The following CUBN variants were observed in gnomAD, a reference collection of about 807,000 sequenced individuals.
The protein encoded by CUBN is 460 kDa receptor.
A neutral mutation model predicts 405.3 loss-of-function variants in CUBN; 282 were observed. The ratio of observed to expected loss-of-function variants is 0.70; its 90% confidence interval spans 0.63 to 0.77. The LOEUF is 0.77. Among genes scored for constraint, CUBN ranks in the 30% least tolerant of loss-of-function variants. The pLI is 0.00. For synonymous variants in CUBN, 1,684 were observed against 1,617.0 expected, an observed-to-expected ratio of 1.04 and a Z score of -0.99; for missense variants, 4,514 against 4,475.2, an observed-to-expected ratio of 1.01 and a Z score of -0.25.
At chr10:16,843,678 G>A (rs1839426679) in intron 60 of CUBN, among the ~76,000 whole-genome samples, 1 of 152,162 alleles carries the variant, frequency 6.6e-6, no homozygotes, top group Non-Finnish European at 1.5e-5. Context: ...TCTGGGACCT[G>A]TATGCCAGGC....
chr10:17,020,164 G>T (rs910303901), intron 27 of CUBN, among the ~76,000 whole-genome samples, 181 bp from the exon 28 acceptor site: 1 of 151,980 alleles, frequency 6.6e-6, no homozygotes, highest in African/African-American at 2.4e-5. Flanking sequence ...CATAGAGAGG[G>T]TATTAGAGAT....
rs759258410 is a variant in CUBN, at chr10:16,840,328, A to G, written c.10032+2T>C. The stretch of plus-strand genomic sequence containing the variant: ...GACTGCCATTCATCTTATAATTGTT[A>G]CCTGCGGTGAGTCCTGAAGCTGTAA... On this transcript the variant is annotated splice_donor_variant, in intron 62 of 66. Transcript: ENST00000377833. LOFTEE classifies it high-confidence loss of function. 2 of 1,613,340 alleles carry G rather than the reference A, an allele frequency of 1.2e-6. No individual in the cohort carries two copies. The highest frequency in any genetic ancestry group is 2.2e-5 in the South Asian group (2 of 91,052).
intron 1 of CUBN, 87 bp downstream of exon 1, chr10:17,129,557 T>A: frequency 1.3e-6 from 2 of 1,568,124 alleles, no homozygotes; most frequent in Non-Finnish European, 1.8e-6. Flanking sequence ...TCAAGAAAAA[T>A]TGCACCTTTG....
intron 31 of CUBN, among the ~76,000 whole-genome samples, chr10:16,975,089 T>C (rs10904858): frequency 0.55 from 84,293 of 152,038 alleles, 23,746 homozygotes; most frequent in African/African-American, 0.59. Context: ...AGGGGGCCAA[T>C]GACCCTAATC....
intron 62 of CUBN, 92 bp from the exon 63 acceptor site, chr10:16,836,474 TA>T: frequency 2.4e-6 from 3 of 1,235,854 alleles, no homozygotes; most frequent in Non-Finnish European, 3.6e-6. Context: ...AAGCATGGTG[TA>T]AATATTTAGC....
At chr10:16,954,313 G>A (rs1842992473) in intron 32 of CUBN, 76 bp downstream of exon 32, 1 of 1,509,764 alleles carries the variant, frequency 6.6e-7, no homozygotes, top group Non-Finnish European at 9.2e-7. Flanking sequence ...TCTGAGCACA[G>A]GTCTCATTTC....
intron 36 of CUBN, among the ~76,000 whole-genome samples, chr10:16,945,916 T>TA (rs1176494901): frequency 3.9e-5 from 6 of 152,108 alleles, no homozygotes; most frequent in Non-Finnish European, 8.8e-5. Context: ...ATTGATGGAT[T>TA]AAAAAAAGCA....
chr10:17,119,003 C>A (rs1836970106), intron 6 of CUBN, among the ~76,000 whole-genome samples: 1 of 152,158 alleles, frequency 6.6e-6, no homozygotes. Flanking sequence ...ACTGCAAGTG[C>A]ATTTTGGCAA....
intron 14 of CUBN, among the ~76,000 whole-genome samples, chr10:17,089,344 T>A (rs1037087716): frequency 2.6e-5 from 4 of 151,988 alleles, no homozygotes; most frequent in African/African-American, 4.8e-5. Flanking sequence ...TAAAATAGCA[T>A]AAGCAAAGGA....
chr10:17,013,292 C>T (rs1337714528), intron 28 of CUBN, among the ~76,000 whole-genome samples: 2 of 151,588 alleles, frequency 1.3e-5, no homozygotes, highest in Non-Finnish European at 2.9e-5. Flanking sequence ...GACTTCCTAT[C>T]TTTCTCTTTC....
intron 31 of CUBN, among the ~76,000 whole-genome samples, chr10:16,974,732 CT>C (rs1833041760): frequency 6.6e-6 from 1 of 152,174 alleles, no homozygotes; most frequent in Non-Finnish European, 1.5e-5. Context: ...CACAGATTTT[CT>C]TCCGTCTCTG....
intron 23 of CUBN, among the ~76,000 whole-genome samples, chr10:17,046,691 A>G (rs1835141593): frequency 6.6e-6 from 1 of 152,168 alleles, no homozygotes; most frequent in South Asian, 2.1e-4. Context: ...TCATTTTAGC[A>G]CGATAGGGTC....
chr10:16,840,304 A>G (rs749487407), intron 62 of CUBN, 26 bp downstream of exon 62: 9 of 1,579,856 alleles, frequency 5.7e-6, no homozygotes, highest in African/African-American at 4.0e-5. Flanking sequence ...ACTAGATGTG[A>G]CTGCCATTCA....
intron 64 of CUBN, among the ~76,000 whole-genome samples, chr10:16,833,028 G>A (rs907524022): frequency 1.3e-5 from 2 of 152,160 alleles, no homozygotes; most frequent in African/African-American, 4.8e-5. Flanking sequence ...ATGAAGGACA[G>A]CTAGGAGGAG....
chr10:17,018,267 C>T (rs933497348), intron 28 of CUBN, among the ~76,000 whole-genome samples: 1 of 152,194 alleles, frequency 6.6e-6, no homozygotes, highest in Non-Finnish European at 1.5e-5. Flanking sequence ...GTGGTACTCA[C>T]CGCTTGGTGA....
chr10:16,842,318 A>G (rs561549578), intron 60 of CUBN, among the ~76,000 whole-genome samples: 1 of 152,272 alleles, frequency 6.6e-6, no homozygotes, highest in East Asian at 1.9e-4. Context: ...GAATGTACAG[A>G]TTTCTTTTCT....
chr10:17,096,059 G>T (rs763889164), intron 14 of CUBN, among the ~76,000 whole-genome samples: 2 of 151,994 alleles, frequency 1.3e-5, no homozygotes, highest in Non-Finnish European at 2.9e-5. Flanking sequence ...GCATGCTCTC[G>T]CTTATATGTG....
At chr10:16,996,275 A>G (rs1410525737) in intron 28 of CUBN, among the ~76,000 whole-genome samples, 1 of 152,210 alleles carries the variant, frequency 6.6e-6, no homozygotes, top group Non-Finnish European at 1.5e-5. Flanking sequence ...AGAGAAGCCT[A>G]TGTTTTTCAG....
chr10:17,110,385 T>C (rs1490524641), intron 9 of CUBN, among the ~76,000 whole-genome samples: 1 of 152,238 alleles, frequency 6.6e-6, no homozygotes, highest in African/African-American at 2.4e-5. Flanking sequence ...TGTAGCTATT[T>C]GACAGTTTGT....
Sources: allele counts gnomAD v4.1 joint callset (sites outside exome capture counted in the v4.1 genomes callset), GRCh38; gene constraint gnomAD v4.1.1; transcripts MANE v1.5; gene names NCBI Gene and HGNC (gene_info 2026-07-23, HGNC 2026-07-21).